Variants in WSCD1 observed in about 807,000 individuals in gnomAD.
WSCD1 encodes the protein sialate:O-sulfotransferase 1.
Under a neutral mutation model 60.4 loss-of-function variants are expected in WSCD1, and 41 were observed. That is an observed-to-expected ratio of 0.68 (90% CI 0.53 to 0.88). WSCD1 has a LOEUF of 0.88. Among genes scored for constraint, WSCD1 ranks in the 40% least tolerant of loss-of-function variants. The pLI is 0.00. For missense variants in WSCD1, 784 were observed against 796.2 expected, an observed-to-expected ratio of 0.98 and a Z score of 0.18; for synonymous variants, 361 against 332.5, an observed-to-expected ratio of 1.09 and a Z score of -0.93.
chr17:6,069,388 T>G (rs1237944152), upstream of WSCD1: 1 of 377,954 alleles, frequency 2.6e-6, no homozygotes, highest in African/African-American at 2.5e-5. Flanking sequence ...TCCACCTCGG[T>G]GCGTGTGTGT....
intron 4 of WSCD1, among the ~76,000 whole-genome samples, chr17:6,093,317 C>G (rs374029948): frequency 2.0e-5 from 3 of 152,214 alleles, no homozygotes; most frequent in Non-Finnish European, 4.4e-5. Flanking sequence ...TTCATTCGTT[C>G]GCTCACCACG....
chr17:6,090,244 C>G, intron 3 of WSCD1, 77 bp from the exon 4 acceptor site: 1 of 1,383,126 alleles, frequency 7.2e-7, no homozygotes, highest in Non-Finnish European at 9.7e-7. Flanking sequence ...CTACATCAAG[C>G]TGAAACAGTC....
At chr17:6,070,724 G>C (rs903805225) in intron 1 of WSCD1, 72 bp downstream of exon 1, 1 of 151,388 alleles carries the variant, frequency 6.6e-6, no homozygotes. Context: ...CCTTGCCGCG[G>C]GCAAACAAGT....
intron 5 of WSCD1, among the ~76,000 whole-genome samples, chr17:6,099,503 A>T (rs1214613908): frequency 6.6e-6 from 1 of 150,966 alleles, no homozygotes; most frequent in Admixed American, 6.6e-5. Context: ...CGACAGAGCA[A>T]GACTCTGTCT....
chr17:6,105,789 C>T (rs537796680), intron 5 of WSCD1, among the ~76,000 whole-genome samples: 1 of 152,254 alleles, frequency 6.6e-6, no homozygotes, highest in African/African-American at 2.4e-5. Context: ...AGCCAGCGTG[C>T]CTTGAGTAGA....
intron 7 of WSCD1, among the ~76,000 whole-genome samples, chr17:6,115,633 C>A (rs137877682): frequency 6.6e-6 from 1 of 151,862 alleles, no homozygotes; most frequent in Admixed American, 6.6e-5. Context: ...TTCACTCTGT[C>A]GCCCAGGATG....
In WSCD1 at chr17:6,090,894, T is replaced by TTTTA. The variant is rs531552699; in HGVS notation, c.727+393_727+396dup. ...TTTTTTTTAATTTTTATATTTGATTTTTTATTTTTGAGACAGAGTCTCACT... is the reference window on the plus strand; with the variant it reads ...TTTTTTTTAATTTTTATATTTGATTTTTTATTTATTTTTGAGACAGAGTCTCACT... On this transcript the variant is annotated intron_variant, in intron 4 of 8. Coordinates refer to ENST00000317744, the MANE Select transcript of WSCD1 (RefSeq NM_015253.2). 5.7e-4 allele frequency among the ~76,000 whole-genome samples: 87 copies of TTTTA among 152,096 alleles called. 3 individuals carry two copies. In the South Asian group the frequency reaches 0.017, roughly 30 times the overall value.
At chr17:6,105,375 T>G (rs1410677497) in intron 5 of WSCD1, among the ~76,000 whole-genome samples, 1 of 152,372 alleles carries the variant, frequency 6.6e-6, no homozygotes, top group African/African-American at 2.4e-5. Context: ...CTTGTATTCT[T>G]GGATCCTTTT....
intron 4 of WSCD1, among the ~76,000 whole-genome samples, chr17:6,093,104 C>T (rs965794459): frequency 1.3e-5 from 2 of 152,252 alleles, no homozygotes; most frequent in Admixed American, 1.3e-4. Flanking sequence ...TCAACGTCTT[C>T]GCCTTGGAGG....
chr17:6,087,958 C>A (rs984521099), intron 2 of WSCD1, 32 bp from the exon 3 acceptor site: 5 of 1,562,818 alleles, frequency 3.2e-6, no homozygotes, highest in South Asian at 1.1e-5. Context: ...ATTCCTGGGC[C>A]TCTGGTATTA....
intron 2 of WSCD1, 98 bp downstream of exon 2, chr17:6,081,183 C>T: frequency 7.4e-7 from 1 of 1,343,058 alleles, no homozygotes; most frequent in African/African-American, 1.5e-5. Flanking sequence ...CTGTGGCCTT[C>T]ACCGCTAGAT....
chr17:6,124,054 C>T lies in WSCD1; in HGVS notation c.*3393C>T, dbSNP rs1024105977. ...CCTCTCCAGGGGTGGAATACATGTCCTGGACTAAGCCAATGACACCTTCCA... is the reference window on the plus strand; with the variant it reads ...CCTCTCCAGGGGTGGAATACATGTCTTGGACTAAGCCAATGACACCTTCCA... On this transcript the variant is annotated 3_prime_UTR_variant, in exon 9 of 9. Coordinates refer to ENST00000317744, the MANE Select transcript of WSCD1 (RefSeq NM_015253.2). 3.3e-5 allele frequency: 5 copies of T among 152,212 alleles called. No homozygotes were observed. Among genetic ancestry groups the T allele is most frequent in the Non-Finnish European group, 5.9e-5 (4 of 68,036 alleles). 9.4% of individuals were successfully genotyped at this position (152,212 alleles called of 1,614,324 possible).
At chr17:6,078,911 G>A (rs943075309) in intron 1 of WSCD1, among the ~76,000 whole-genome samples, 1 of 152,156 alleles carries the variant, frequency 6.6e-6, no homozygotes, top group African/African-American at 2.4e-5. Context: ...TGTCTGGGGT[G>A]GGCCTGGCAG....
At position 6,110,288 on chromosome 17, in the gene WSCD1, C is replaced by A. The variant is rs1240276793; in HGVS notation, c.1010-483C>A. Among the ~76,000 whole-genome samples, 2 of 152,164 alleles carry A rather than the reference C, an allele frequency of 1.3e-5. No individual in the cohort carries two copies. The highest frequency in any genetic ancestry group is 2.9e-5 in the Non-Finnish European group (2 of 68,022). ...ATGGCCCTGGATGTTTTGGGGCTTT[C>A]CCCTGGTGATTTCATGTGCTCCTTG... On this transcript the variant is annotated intron_variant, in intron 6 of 8. Coordinates refer to ENST00000317744, the MANE Select transcript of WSCD1 (RefSeq NM_015253.2). The surrounding 1 kb of genome is among the most constrained non-coding windows in gnomAD (Gnocchi z 4.8).
At chr17:6,070,879 G>GC in intron 1 of WSCD1, among the ~76,000 whole-genome samples, 1 of 150,900 alleles carries the variant, frequency 6.6e-6, no homozygotes, top group Non-Finnish European at 1.5e-5. Context: ...TTGTGGGGGG[G>GC]CGGGGGCGGC....
upstream of WSCD1, chr17:6,069,203 T>C (rs2150520818): frequency 2.5e-6 from 1 of 398,710 alleles, no homozygotes; most frequent in Non-Finnish European, 4.4e-6. Flanking sequence ...AGCAGCCAGC[T>C]CCGGGTGAGG....
At position 6,120,649 on chromosome 17, in the gene WSCD1, T is replaced by A. The variant is rs765855208; in HGVS notation, c.1716T>A (p.Tyr572Ter). 1 of 1,609,856 alleles carries A rather than the reference T, an allele frequency of 6.2e-7. No individual in the cohort carries two copies. The highest frequency in any genetic ancestry group is 8.5e-7 in the Non-Finnish European group (1 of 1,177,478). Reference sequence around the variant, plus strand: ...ACTGGACGGGGCTGCCCAGGGAGTATGTGCCCAGATGATAGGCCTGGCCCA... The same window carrying A: ...ACTGGACGGGGCTGCCCAGGGAGTAAGTGCCCAGATGATAGGCCTGGCCCA... ...DHNWTGLPREYVPR is the reference protein window; with the variant it reads ...DHNWTGLPRE Residue 572 changes from tyrosine to a stop codon, truncating the protein, a stop_gained, in exon 9 of 9, where the codon TAT (tyrosine) becomes TAA (stop). Transcript: ENST00000317744. LOFTEE classifies it high-confidence loss of function.
At position 6,120,723 on chromosome 17, in the gene WSCD1, C is replaced by A; in HGVS notation, c.*62C>A. 1.3e-6 allele frequency: 2 copies of A among 1,523,546 alleles called. No homozygotes were observed. Among genetic ancestry groups the A allele is most frequent in the African/African-American group, 1.4e-5 (1 of 73,256 alleles). 94.4% of individuals were successfully genotyped at this position (1,523,546 alleles called of 1,614,324 possible). A position where few individuals can be genotyped will look rare whatever the true frequency, so the allele number is the denominator to read the frequency against. On this transcript the variant is annotated 3_prime_UTR_variant, in exon 9 of 9. Coordinates refer to ENST00000317744, the MANE Select transcript of WSCD1 (RefSeq NM_015253.2). ...GCAATCGCACCACGGGGCTGCGCTC[C>A]CCACTCTGATGCTCAGGCCCGTGGC...
At chr17:6,104,417 C>T (rs771270009) in intron 5 of WSCD1, among the ~76,000 whole-genome samples, 6 of 152,152 alleles carry the variant, frequency 3.9e-5, no homozygotes, top group Non-Finnish European at 7.3e-5. Flanking sequence ...CTCAGAGATG[C>T]CCAGTTGCTC....
Sources: gnomAD v4.1 joint callset for allele counts (sites outside exome capture counted in the v4.1 genomes callset) on GRCh38, gnomAD v4.1.1 for gene constraint, Gnocchi (gnomAD v3.1) non-coding constraint, MANE v1.5 for transcripts, NCBI Gene and HGNC (gene_info 2026-07-23, HGNC 2026-07-21) for gene names.